The following DHX37 variants were observed in gnomAD, a reference collection of about 807,000 sequenced individuals.
DHX37 encodes probable ATP-dependent RNA helicase DHX37.
In DHX37, 52 loss-of-function variants were observed where a neutral mutation model predicts 134.3. The observed-to-expected ratio is 0.39, with a 90% CI of 0.31 to 0.49. The LOEUF (loss-of-function observed/expected upper bound fraction) is 0.49. DHX37 is among the 20% of genes least tolerant of loss of function. The pLI, the probability that DHX37 is intolerant of heterozygous loss-of-function variation, is 0.93. For missense variants in DHX37, 1,344 were observed against 1,580.8 expected (o/e 0.85, Z 2.54); for synonymous variants, 634 against 670.7 (o/e 0.95, Z 0.85).
chr12:124,980,575 G>C lies in DHX37; in HGVS notation c.653C>G (p.Pro218Arg). 1 of 1,611,724 alleles carries C rather than the reference G, an allele frequency of 6.2e-7. No homozygotes were observed. Among genetic ancestry groups the C allele is most frequent in the Non-Finnish European group, 8.5e-7 (1 of 1,179,830 alleles). ...QPVPAGMTVP[P>R]PPAAAPPLPR... is the part of the protein sequence containing the mutation. ...CAGTGGTGGGGCTGCAGCTGGAGGA[G>C]GAGGAACAGTCATCCCAGCCGGCAC... is the stretch of plus-strand genomic sequence containing the variant. The change falls in exon 4 of 27, where the codon CCT (proline) becomes CGT (arginine). Residue 218 changes from proline (P) to arginine (R), a missense_variant. Pro to Arg is a moderately radical substitution (Grantham distance 103, BLOSUM62 -2). Coordinates refer to ENST00000308736, the MANE Select transcript of DHX37 (RefSeq NM_032656.4). This position sits in a 1 kb window ranked among gnomAD's most constrained non-coding sequence, Gnocchi z 5.3.
chr12:124,953,341 C>G (rs1013144922), intron 20 of DHX37: 1 of 154,452 alleles, frequency 6.5e-6, no homozygotes, highest in Non-Finnish European at 1.4e-5. Flanking sequence ...AAATGGAAGG[C>G]AAATTCTCCA....
At position 124,986,249 on chromosome 12, in the gene DHX37, C is replaced by T. The variant is rs752771276; in HGVS notation, c.123G>A (p.Lys41=). 12 of 1,613,782 alleles carry T rather than the reference C, an allele frequency of 7.4e-6. No homozygotes were observed. The highest frequency in any genetic ancestry group is 1.0e-5 in the Non-Finnish European group (12 of 1,180,004). ...CGAGCGCGTTGCTTGCATCAACTCC[C>T]TTCAACGTGTCCTTGTCTGAGAGAG... The part of the protein sequence containing the change: ...QLELEDKDTL[K]GVDASNALVL... Residue 41 remains lysine, a synonymous_variant, in exon 2 of 27, where the codon AAG becomes AAA. Transcript: ENST00000308736.
intron 3 of DHX37, among the ~76,000 whole-genome samples, chr12:124,981,659 T>A (rs1954763488): frequency 6.6e-6 from 1 of 151,788 alleles, no homozygotes; most frequent in African/African-American, 2.4e-5. Context: ...AGTCTCAAAC[T>A]CCTGACCTCA....
rs190015772 is a variant in DHX37, at chr12:124,980,885, C to A, written c.390-47G>T. The A allele has an allele frequency of 5.6e-5, 86 of 1,530,850 alleles. No individual in the cohort carries two copies. The African/African-American group carries it at 1.0e-3, about 18-fold the overall frequency. 94.8% of individuals were successfully genotyped at this position (1,530,850 alleles called of 1,614,324 possible). The stretch of plus-strand genomic sequence containing the variant: ...CAGGCACAGAGGCCCCACCTCAATC[C>A]CAGAGGTCAGGACTCCAAGGCCATA... On this transcript the variant is annotated intron_variant, in intron 3 of 26. Coordinates refer to ENST00000308736, the MANE Select transcript of DHX37 (RefSeq NM_032656.4). The surrounding 1 kb of genome is among the most constrained non-coding windows in gnomAD (Gnocchi z 5.3).
intron 16 of DHX37, 82 bp downstream of exon 16, chr12:124,960,230 C>T: frequency 6.5e-7 from 1 of 1,546,328 alleles, no homozygotes; most frequent in Non-Finnish European, 8.8e-7. Context: ...CACCAGCAGA[C>T]CCAGCTCTGG....
chr12:124,975,447 C>G lies in DHX37; in HGVS notation c.952G>C (p.Val318Leu). 1 of 1,613,058 alleles carries G rather than the reference C, an allele frequency of 6.2e-7. No homozygotes were observed. Among genetic ancestry groups the G allele is most frequent in the South Asian group, 1.1e-5 (1 of 91,090 alleles). The change falls in exon 6 of 27, where the codon GTG (valine) becomes CTG (leucine). Residue 318 changes from valine to leucine, a missense_variant. Transcript: ENST00000308736. Reference sequence around the variant, plus strand: ...TGGGACAGATTCATCTCCTTGGCCACTCGCTGGGACATGGCCACGGCGGCC... The same window carrying G: ...TGGGACAGATTCATCTCCTTGGCCAGTCGCTGGGACATGGCCACGGCGGCC... Reference protein sequence around the residue: ...RVAAVAMSQRVAKEMNLSQRV... With the variant: ...RVAAVAMSQRLAKEMNLSQRV...
chr12:124,949,172 G>T lies in DHX37; in HGVS notation c.3290+814C>A, dbSNP rs958173483. Among the ~76,000 whole-genome samples, 13 of 152,168 alleles carry T rather than the reference G, an allele frequency of 8.5e-5. No homozygotes were observed. Among genetic ancestry groups the T allele is most frequent in the Non-Finnish European group, 1.5e-5 (1 of 68,034 alleles). ...GAGATCGTGTCTGTATCCCAGCCCCGAGAACATGCCTGGGACAGGGCCACA... is the reference window on the plus strand; with the variant it reads ...GAGATCGTGTCTGTATCCCAGCCCCTAGAACATGCCTGGGACAGGGCCACA... On this transcript the variant is annotated intron_variant, in intron 25 of 26. Transcript: ENST00000308736. This position sits in a 1 kb window ranked among gnomAD's most constrained non-coding sequence, Gnocchi z 4.0.
rs374743786 is a variant in DHX37, at chr12:124,954,006, G to A, written c.2579-10C>T. 6.8e-6 allele frequency: 11 copies of A among 1,613,624 alleles called. No individual in the cohort carries two copies. Among genetic ancestry groups the A allele is most frequent in the East Asian group, 4.5e-5 (2 of 44,868 alleles). The stretch of plus-strand genomic sequence containing the variant: ...CAGGCTCCCACGGCGCCTGGGGAAC[G>A]AAGAGGGGGCATGCTCTCTCTCTGA... On this transcript the variant is annotated splice_polypyrimidine_tract_variant and intron_variant, in intron 19 of 26. Transcript: ENST00000308736.
chr12:124,969,666 C>G (rs73229577), intron 8 of DHX37, among the ~76,000 whole-genome samples: 375 of 152,146 alleles, frequency 2.5e-3, no homozygotes, highest in Non-Finnish European at 4.0e-3. Flanking sequence ...TCTAGAATAA[C>G]AGAAATGGAA....
At chr12:124,986,879 G>A (rs1431904206) in intron 1 of DHX37, among the ~76,000 whole-genome samples, 1 of 151,892 alleles carries the variant, frequency 6.6e-6, no homozygotes, top group Non-Finnish European at 1.5e-5. Flanking sequence ...CCAAGTAGCT[G>A]GGATTACAGG....
chr12:124,971,685 G>A (rs1954526153), intron 7 of DHX37, among the ~76,000 whole-genome samples: 1 of 152,212 alleles, frequency 6.6e-6, no homozygotes, highest in African/African-American at 2.4e-5. Flanking sequence ...CCACCCCCAG[G>A]AGTCCCAGTG....
intron 15 of DHX37, among the ~76,000 whole-genome samples, chr12:124,963,367 G>C (rs1223423033): frequency 2.0e-5 from 3 of 152,180 alleles, no homozygotes; most frequent in African/African-American, 7.2e-5. Context: ...GGGAAGAAGG[G>C]GGGTGACTGC....
At chr12:124,962,777 C>A (rs1032370695) in intron 15 of DHX37, among the ~76,000 whole-genome samples, 1 of 151,942 alleles carries the variant, frequency 6.6e-6, no homozygotes, top group Non-Finnish European at 1.5e-5. Context: ...GCAGAGGTTG[C>A]AGTGAGCTGA....
At chr12:124,966,100 C>T (rs1461338661) in intron 12 of DHX37, among the ~76,000 whole-genome samples, 2 of 152,244 alleles carry the variant, frequency 1.3e-5, no homozygotes, top group Non-Finnish European at 2.9e-5. Context: ...AAGTCAGAGA[C>T]GGCTGAGTGC....
Position 124,954,363 on chromosome 12 carries a change from C to T in DHX37, c.2454-152G>A. ...AGGTATTAAGGTCCAGCTCAAAATT[C>T]ACCATTGGCAGCCACCGCTGCACTG... On this transcript the variant is annotated intron_variant, in intron 18 of 26. Transcript: ENST00000308736. 3.3e-6 allele frequency: 4 copies of T among 1,202,444 alleles called. No individual in the cohort carries two copies. The South Asian group carries it at 8.1e-5, about 24-fold the overall frequency. 74.5% of individuals were successfully genotyped at this position (1,202,444 alleles called of 1,614,324 possible). A position where few individuals can be genotyped will look rare whatever the true frequency, so the allele number is the denominator to read the frequency against.
At chr12:124,948,946 C>T (rs1250448843) in intron 25 of DHX37, among the ~76,000 whole-genome samples, 2 of 152,230 alleles carry the variant, frequency 1.3e-5, no homozygotes, top group Non-Finnish European at 2.9e-5. Flanking sequence ...ATTCCTTGCC[C>T]ACCAAGGCTG....
At position 124,947,780 on chromosome 12, in the gene DHX37, G is replaced by C. The variant is rs372555717; in HGVS notation, c.*22C>G. 2 of 1,542,206 alleles carry C rather than the reference G, an allele frequency of 1.3e-6. No homozygotes were observed. The highest frequency in any genetic ancestry group is 1.7e-6 in the Non-Finnish European group (2 of 1,143,868). ...CCCTCCAGTCCCCAAACCAGTCCTCGGCCCTGCAGCCAGGTTTCTGGTCAG... is the reference window on the plus strand; with the variant it reads ...CCCTCCAGTCCCCAAACCAGTCCTCCGCCCTGCAGCCAGGTTTCTGGTCAG... On this transcript the variant is annotated 3_prime_UTR_variant, in exon 27 of 27. Transcript: ENST00000308736.
At chr12:124,984,137 G>C (rs1954817109) in intron 2 of DHX37, among the ~76,000 whole-genome samples, 1 of 152,232 alleles carries the variant, frequency 6.6e-6, no homozygotes, top group African/African-American at 2.4e-5. Flanking sequence ...TGTCCCTGGG[G>C]CAGCGGGGGG....
intron 8 of DHX37, among the ~76,000 whole-genome samples, chr12:124,971,007 G>A (rs1438796111): frequency 1.2e-4 from 19 of 152,360 alleles, no homozygotes; most frequent in Admixed American, 1.1e-3. Flanking sequence ...GCCCCATTGC[G>A]CCTGGCAAGG....
Sources: allele counts gnomAD v4.1 joint callset (sites outside exome capture counted in the v4.1 genomes callset), GRCh38; gene constraint gnomAD v4.1.1; non-coding constraint Gnocchi (gnomAD v3.1); transcripts MANE v1.5; gene names NCBI Gene and HGNC (gene_info 2026-07-23, HGNC 2026-07-21).